GNAQ: variants seen among roughly 807,000 people sequenced by gnomAD.
GNAQ encodes G protein subunit alpha q, also known as guanine nucleotide-binding protein G(q) subunit alpha.
GNAQ carries 8 observed loss-of-function variants against 43.9 expected under a neutral mutation model. The ratio of observed to expected loss-of-function variants is 0.18; its 90% CI spans 0.11 to 0.33. GNAQ has a LOEUF of 0.33. Among genes scored for constraint, GNAQ ranks in the 10% least tolerant of loss-of-function variants. The pLI, the probability that GNAQ is intolerant of heterozygous loss-of-function variation, is 1.00. For missense variants in GNAQ, 158 were observed against 450.8 expected (o/e 0.35, Z 5.88); for synonymous variants, 155 against 170.7 (o/e 0.91, Z 0.71).
intron 2 of GNAQ, among the ~76,000 whole-genome samples, chr9:77,866,880 T>C (rs1827959214): frequency 6.6e-6 from 1 of 152,224 alleles, no homozygotes; most frequent in African/African-American, 2.4e-5. Flanking sequence ...TTATTTTCTA[T>C]AGTTAGTTAA....
chr9:77,743,121 A>T (rs1476160422), intron 5 of GNAQ, among the ~76,000 whole-genome samples: 1 of 152,056 alleles, frequency 6.6e-6, no homozygotes, highest in African/African-American at 2.4e-5. Flanking sequence ...AGCCGGGCGT[A>T]GGGGCATGAG....
chr9:77,804,095 A>T (rs780127150), intron 3 of GNAQ, among the ~76,000 whole-genome samples: 8 of 109,314 alleles, frequency 7.3e-5, no homozygotes, highest in Non-Finnish European at 1.4e-4. Context: ...CTTAATTTTG[A>T]CACTTTATCA....
intron 5 of GNAQ, among the ~76,000 whole-genome samples, chr9:77,766,588 G>A (rs1158034981): frequency 6.6e-6 from 1 of 152,110 alleles, no homozygotes; most frequent in Non-Finnish European, 1.5e-5. Flanking sequence ...AAGTGAAGAT[G>A]TTTGCTGTGT....
At chr9:77,855,307 A>G (rs1410597797) in intron 2 of GNAQ, among the ~76,000 whole-genome samples, 3 of 152,146 alleles carry the variant, frequency 2.0e-5, no homozygotes. Flanking sequence ...AAAGGCAGAG[A>G]TCCTAGTTAA....
chr9:77,938,768 T>C (rs867868528), intron 1 of GNAQ, among the ~76,000 whole-genome samples: 16 of 152,158 alleles, frequency 1.1e-4, no homozygotes, highest in African/African-American at 3.4e-4. Context: ...CTGTGTTACG[T>C]TGTCAAACGC....
intron 5 of GNAQ, among the ~76,000 whole-genome samples, chr9:77,787,614 T>C (rs189602311): frequency 2.0e-5 from 3 of 152,302 alleles, no homozygotes; most frequent in Admixed American, 6.5e-5. Context: ...CAAAACCTTA[T>C]AAATTTTACT....
At chr9:77,909,387 C>T (rs1319209947) in intron 2 of GNAQ, among the ~76,000 whole-genome samples, 1 of 152,156 alleles carries the variant, frequency 6.6e-6, no homozygotes, top group Non-Finnish European at 1.5e-5. Flanking sequence ...TAGGCTAGTG[C>T]CTTAGAGAAT....
At chr9:77,863,693 G>A (rs1345846577) in intron 2 of GNAQ, among the ~76,000 whole-genome samples, 3 of 150,556 alleles carry the variant, frequency 2.0e-5, no homozygotes, top group African/African-American at 7.3e-5. Context: ...TAAAAAAAAA[G>A]AGGTTTAATG....
At chr9:77,808,547 T>C (rs1826864614) in intron 3 of GNAQ, among the ~76,000 whole-genome samples, 1 of 151,948 alleles carries the variant, frequency 6.6e-6, no homozygotes, top group South Asian at 2.1e-4. Context: ...TTTTTAGTAA[T>C]TTAATCATGT....
At chr9:77,977,332 C>G (rs1368775439) in intron 1 of GNAQ, among the ~76,000 whole-genome samples, 1 of 152,086 alleles carries the variant, frequency 6.6e-6, no homozygotes, top group Non-Finnish European at 1.5e-5. Context: ...ATGGCAAAAT[C>G]AAGTCCTCAT....
intron 3 of GNAQ, among the ~76,000 whole-genome samples, chr9:77,800,417 T>C (rs1312225499): frequency 6.6e-6 from 1 of 152,074 alleles, no homozygotes. Flanking sequence ...GTTCATGTCC[T>C]TTGTAGGGAC....
chr9:77,951,247 G>A (rs1451914577), intron 1 of GNAQ, among the ~76,000 whole-genome samples: 1 of 151,812 alleles, frequency 6.6e-6, no homozygotes, highest in African/African-American at 2.4e-5. Flanking sequence ...ACAGGCTCAC[G>A]CCACCATGCC....
At chr9:77,750,827 A>G (rs1386878770) in intron 5 of GNAQ, among the ~76,000 whole-genome samples, 1 of 149,688 alleles carries the variant, frequency 6.7e-6, no homozygotes. Context: ...TTATTTCTAT[A>G]CACTCCCCCA....
chr9:78,007,286 CT>C lies in GNAQ; in HGVS notation c.136+23813del, dbSNP rs778222055. Among the ~76,000 whole-genome samples the C allele has an allele frequency of 8.6e-3, 1,175 of 136,648 alleles. 8 individuals are homozygous for C. The highest frequency in any genetic ancestry group is 0.022 in the African/African-American group (834 of 37,830). The allele number at this position is 136,648 out of a possible 152,430, so 89.6% of individuals were successfully genotyped here. A position where few individuals can be genotyped will look rare whatever the true frequency, so the allele number is the denominator to read the frequency against. On this transcript the variant is annotated intron_variant, in intron 1 of 6. Coordinates refer to ENST00000286548, the MANE Select transcript of GNAQ (RefSeq NM_002072.5). The stretch of plus-strand genomic sequence containing the variant: ...GTACAAGTAAAGAGCAATCTAAAAG[CT>C]TTTTTTTTTTTTGCAAAGGACACTT...
At chr9:77,958,798 T>C (rs1168193041) in intron 1 of GNAQ, among the ~76,000 whole-genome samples, 4 of 151,600 alleles carry the variant, frequency 2.6e-5, no homozygotes, top group South Asian at 2.1e-4. Context: ...GCAATGGGGG[T>C]TGGGGAGTAC....
chr9:77,738,384 A>G (rs1034526250), intron 5 of GNAQ, among the ~76,000 whole-genome samples: 9 of 152,212 alleles, frequency 5.9e-5, no homozygotes, highest in African/African-American at 1.4e-4. Flanking sequence ...CTATACTTGT[A>G]TTCATTTCTA....
intron 5 of GNAQ, among the ~76,000 whole-genome samples, chr9:77,748,103 T>A (rs1175179914): frequency 6.6e-6 from 1 of 152,166 alleles, no homozygotes; most frequent in African/African-American, 2.4e-5. Context: ...TGGGGTCCAG[T>A]TTCCAAATCC....
chr9:77,871,109 A>C (rs1828033679), intron 2 of GNAQ, among the ~76,000 whole-genome samples: 1 of 152,248 alleles, frequency 6.6e-6, no homozygotes. Context: ...AATGCAAATT[A>C]TATTTCAAAT....
At chr9:77,922,013 TA>T in intron 2 of GNAQ, 147 bp downstream of exon 2, 1 of 474,850 alleles carries the variant, frequency 2.1e-6, no homozygotes, top group Non-Finnish European at 3.7e-6. Context: ...TATTATCTAT[TA>T]AAAGTCTCAT....
Sources: allele counts gnomAD v4.1 joint callset (sites outside exome capture counted in the v4.1 genomes callset), GRCh38; gene constraint gnomAD v4.1.1; transcripts MANE v1.5; gene names NCBI Gene and HGNC (gene_info 2026-07-23, HGNC 2026-07-21).